The following MGRN1 variants were observed in gnomAD, a reference collection of about 807,000 sequenced individuals.
MGRN1 encodes E3 ubiquitin-protein ligase MGRN1.
In MGRN1, 29 loss-of-function variants were observed where a neutral mutation model predicts 69.2. The observed-to-expected ratio is 0.42, with a 90% CI of 0.31 to 0.57. The LOEUF is 0.57. MGRN1 is among the 20% of genes least tolerant of loss of function. The pLI is 0.15. For missense variants in MGRN1, 998 were observed against 796.2 expected (o/e 1.25, Z -3.05); for synonymous variants, 470 against 344.2 (o/e 1.37, Z -4.04).
At chr16:4,673,785 G>C (rs1428207076) in intron 10 of MGRN1, 128 bp downstream of exon 10, 2 of 1,249,844 alleles carry the variant, frequency 1.6e-6, no homozygotes, top group Non-Finnish European at 2.2e-6. Context: ...CATTCATCTA[G>C]TCTGTGCTGA....
At position 4,664,791 on chromosome 16, in the gene MGRN1, T is replaced by A; in HGVS notation, c.628+16T>A. The A allele has an allele frequency of 6.2e-7, 1 of 1,613,988 alleles. No individual in the cohort carries two copies. Among genetic ancestry groups the A allele is most frequent in the Non-Finnish European group, 8.5e-7 (1 of 1,179,840 alleles). ...GAAGGAGATGGTGAGTGCGTCCTCT[T>A]CCGTCCTCCTGGGCGTGCAGGCCGT... On this transcript the variant is annotated intron_variant, in intron 6 of 16. Transcript: ENST00000262370.
rs1897593533 is a variant in MGRN1 at position 4,625,032 on chromosome 16, C to G, written c.72C>G (p.Arg24=). The G allele has an allele frequency of 1.3e-6, 2 of 1,552,588 alleles. No individual in the cohort carries two copies. Among genetic ancestry groups the G allele is most frequent in the Non-Finnish European group, 1.7e-6 (2 of 1,152,312 alleles). ...DIDIQANSAY[R]YPPKSGNYFA... is the part of the protein sequence containing the mutation. ...ACATCCAGGCGAACTCGGCCTATCG[C>G]TACCCTCCGAAGTCCGGTGAGCGCC... Residue 24 remains arginine, a synonymous_variant, in exon 1 of 17, where the codon CGC becomes CGG. Coordinates refer to ENST00000262370, the MANE Select transcript of MGRN1 (RefSeq NM_015246.4).
intron 16 of MGRN1, chr16:4,686,719 C>T (rs1010033744): frequency 1.9e-5 from 19 of 1,016,792 alleles, no homozygotes; most frequent in Admixed American, 5.7e-5. Flanking sequence ...GGTGAGCGTC[C>T]CAAGGGGAGA....
chr16:4,629,470 G>A (rs1489018930), intron 1 of MGRN1, among the ~76,000 whole-genome samples: 1 of 152,166 alleles, frequency 6.6e-6, no homozygotes, highest in African/African-American at 2.4e-5. Flanking sequence ...CCCAGGCATG[G>A]TGGCTCACGC....
In MGRN1 at chr16:4,688,815, G is replaced by C; in HGVS notation, c.1638G>C (p.Glu546Asp). ...CTGCAGGACGGCCCACCTCCATGGAGACGGCCCACGGCCTCGCCACCACCA... is the reference window on the plus strand; with the variant it reads ...CTGCAGGACGGCCCACCTCCATGGACACGGCCCACGGCCTCGCCACCACCA... ...IYLPGRPTSM[E>D]TAHGLATTSP... The change falls in exon 17 of 17, where the codon GAG becomes GAC. Residue 546 changes from glutamate (E) to aspartate (D), a missense_variant. Physicochemically the swap from Glu to Asp is conservative, Grantham distance 45. Coordinates refer to ENST00000262370, the MANE Select transcript of MGRN1 (RefSeq NM_015246.4). 6 of 1,552,056 alleles carry C rather than the reference G, an allele frequency of 3.9e-6. No homozygotes were observed. The highest frequency in any genetic ancestry group is 4.4e-6 in the Non-Finnish European group (5 of 1,147,312).
chr16:4,665,445 T>C (rs1487110398), intron 7 of MGRN1, among the ~76,000 whole-genome samples: 1 of 150,570 alleles, frequency 6.6e-6, no homozygotes, highest in Non-Finnish European at 1.5e-5. Context: ...CTCGGCTCAC[T>C]GCAACCTCTG....
intron 1 of MGRN1, among the ~76,000 whole-genome samples, chr16:4,625,299 C>G (rs1221827062): frequency 6.6e-6 from 1 of 152,182 alleles, no homozygotes; most frequent in African/African-American, 2.4e-5. Context: ...CCCTTCGCCC[C>G]GGGCACCTCA....
At chr16:4,645,100 T>C (rs1596272281) in intron 1 of MGRN1, among the ~76,000 whole-genome samples, 2 of 150,008 alleles carry the variant, frequency 1.3e-5, no homozygotes. Context: ...TGAAGTTATT[T>C]ATATGTATAT....
rs200650655 is a variant in MGRN1, at chr16:4,668,434, TACAC to T, written c.726+125_726+128del. The T allele has an allele frequency of 4.4e-3, 4,080 of 925,708 alleles. 125 individuals carry two copies. In the African/African-American group the frequency reaches 0.06, roughly 14 times the overall value. The allele number at this position is 925,708 out of a possible 1,614,324, so 57.3% of individuals were successfully genotyped here. On this transcript the variant is annotated intron_variant, in intron 8 of 16. Transcript: ENST00000262370. ...ACGCACATATACTCATACACGCTCA[TACAC>T]ACTCATACACATTCACTTGCACATA...
At chr16:4,663,469 C>G (rs932956351) in intron 5 of MGRN1, among the ~76,000 whole-genome samples, 1 of 144,466 alleles carries the variant, frequency 6.9e-6, no homozygotes, top group African/African-American at 2.6e-5. Context: ...TTTTAGAATG[C>G]TCACAGTGGC....
intron 1 of MGRN1, 137 bp from the exon 2 acceptor site, chr16:4,650,228 G>A (rs1241085947): frequency 4.4e-5 from 27 of 611,832 alleles, no homozygotes; most frequent in South Asian, 4.4e-4. Flanking sequence ...GCTTGAACCC[G>A]GTGGGCGGAG....
intron 16 of MGRN1, chr16:4,688,467 C>A: frequency 8.9e-7 from 1 of 1,121,996 alleles, no homozygotes; most frequent in East Asian, 5.0e-5. Flanking sequence ...GGCCACATCC[C>A]AGGAAACCGG....
chr16:4,673,448 G>T (rs768593898), intron 9 of MGRN1, 50 bp from the exon 10 acceptor site: 1 of 1,591,300 alleles, frequency 6.3e-7, no homozygotes, highest in Admixed American at 1.7e-5. Context: ...AGCAGGAGCC[G>T]TACTCTGGCC....
intron 1 of MGRN1, among the ~76,000 whole-genome samples, chr16:4,631,958 T>A (rs2141825915): frequency 6.6e-6 from 1 of 151,142 alleles, no homozygotes; most frequent in South Asian, 2.1e-4. Flanking sequence ...TATTTGCCAA[T>A]CTATTACTGA....
chr16:4,680,431 C>T (rs1379239518), intron 12 of MGRN1: 1 of 293,524 alleles, frequency 3.4e-6, no homozygotes, highest in South Asian at 3.6e-5. Context: ...GTTTTGCAAT[C>T]GCGCCCCGCG....
At chr16:4,674,741 C>A (rs903662373) in intron 10 of MGRN1, among the ~76,000 whole-genome samples, 112 of 141,526 alleles carry the variant, frequency 7.9e-4, no homozygotes, top group South Asian at 2.9e-3. Flanking sequence ...CCCGGGTTCA[C>A]GCCATTCTCC....
chr16:4,680,015 G>T lies in MGRN1; in HGVS notation c.1066-17G>T, dbSNP rs2079143122. The T allele has an allele frequency of 6.2e-7, 1 of 1,612,968 alleles. No individual in the cohort carries two copies. Among genetic ancestry groups the T allele is most frequent in the East Asian group, 2.2e-5 (1 of 44,856 alleles). ...TGGGGGTGGTAGTTGTAAAACATAT[G>T]ATTTTTATCTTGACAGTGTCCCTTT... On this transcript the variant is annotated splice_polypyrimidine_tract_variant and intron_variant, in intron 11 of 16. Transcript: ENST00000262370.
rs1195913310 is a variant in MGRN1, at chr16:4,635,836, A to G, written c.88+10788A>G. Among the ~76,000 whole-genome samples the G allele has an allele frequency of 6.6e-5, 9 of 136,790 alleles. No individual in the cohort carries two copies. The South Asian group carries it at 9.3e-4, about 14-fold the overall frequency. 89.7% of individuals were successfully genotyped at this position (136,790 alleles called of 152,430 possible). Reference sequence around the variant, plus strand: ...TTTTTTTTTTGTATATTTAGTGGAGATGTGGTTTCACCATGTTGGCCAGGC... The same window carrying G: ...TTTTTTTTTTGTATATTTAGTGGAGGTGTGGTTTCACCATGTTGGCCAGGC... On this transcript the variant is annotated intron_variant, in intron 1 of 16. Coordinates refer to ENST00000262370, the MANE Select transcript of MGRN1 (RefSeq NM_015246.4).
chr16:4,637,316 G>C (rs998019609), intron 1 of MGRN1, among the ~76,000 whole-genome samples: 1 of 151,794 alleles, frequency 6.6e-6, no homozygotes, highest in African/African-American at 2.4e-5. Context: ...TGTAATCCTA[G>C]CTCCTGGGGA....
Sources: gnomAD v4.1 joint callset for allele counts (sites outside exome capture counted in the v4.1 genomes callset) on GRCh38, gnomAD v4.1.1 for gene constraint, MANE v1.5 for transcripts, NCBI Gene and HGNC (gene_info 2026-07-23, HGNC 2026-07-21) for gene names.